SEL1L3: variants seen among roughly 807,000 people sequenced by gnomAD.
The protein encoded by SEL1L3 is protein sel-1 homolog 3.
SEL1L3 carries 76 observed loss-of-function variants against 142.8 expected under a neutral mutation model. The observed-to-expected ratio is 0.53, with a 90% CI of 0.44 to 0.64. SEL1L3 has a LOEUF of 0.64. SEL1L3 is among the 30% of genes least tolerant of loss of function. The probability of loss-of-function intolerance (pLI) is 0.00; values close to 1 mark genes in which losing one functional copy is unlikely to be tolerated. For missense variants in SEL1L3, 1,262 were observed against 1,381.7 expected (o/e 0.91, Z 1.37); for synonymous variants, 504 against 519.6 (o/e 0.97, Z 0.41).
At chr4:25,853,664 C>CTTTTTTTTTTTT (rs34922528) in intron 1 of SEL1L3, among the ~76,000 whole-genome samples, 2 of 83,050 alleles carry the variant, frequency 2.4e-5, no homozygotes, top group African/African-American at 1.1e-4. Context: ...CTCTTCTTAC[C>CTTTTTTTTTTTT]TTTTTTTTTT....
intron 15 of SEL1L3, among the ~76,000 whole-genome samples, chr4:25,779,758 G>A (rs182206344): frequency 1.7e-4 from 26 of 152,312 alleles, no homozygotes; most frequent in Admixed American, 1.7e-3. Context: ...ATGTAGATGG[G>A]TATATTTCCA....
chr4:25,754,376 T>G, intron 23 of SEL1L3, among the ~76,000 whole-genome samples: 1 of 149,932 alleles, frequency 6.7e-6, no homozygotes, highest in Middle Eastern at 3.4e-3. Context: ...TGACACAGGG[T>G]CTCACTCTGT....
chr4:25,855,283 C>T lies in SEL1L3; in HGVS notation c.162+7392G>A, dbSNP rs751180566. ...AAGAGTTCCAGCTACAGGCATGACA[C>T]GTGTCCAGCCTTCATAGGTATTTTC... On this transcript the variant is annotated intron_variant, in intron 1 of 23. Transcript: ENST00000399878. 2.6e-5 allele frequency among the ~76,000 whole-genome samples: 4 copies of T among 152,246 alleles called. No homozygotes were observed. The East Asian group carries it at 7.7e-4, about 29-fold the overall frequency.
chr4:25,794,398 T>G lies in SEL1L3; in HGVS notation c.1957-3824A>C, dbSNP rs1244270892. ...ACAGACACTTCTCAAAAGAAGACAT[T>G]TATGCAGGCAACAAATGTAGGGGAA... On this transcript the variant is annotated intron_variant, in intron 11 of 23. Transcript: ENST00000399878. Among the ~76,000 whole-genome samples, 3 of 152,268 alleles carry G rather than the reference T, an allele frequency of 2.0e-5. No homozygotes were observed. The East Asian group carries it at 5.8e-4, about 29-fold the overall frequency.
chr4:25,799,092 T>G (rs1712996934), intron 11 of SEL1L3, among the ~76,000 whole-genome samples: 1 of 151,892 alleles, frequency 6.6e-6, no homozygotes. Context: ...TGTTGTTGTT[T>G]GAGACAGAGT....
At chr4:25,806,628 C>T (rs1184913278) in intron 9 of SEL1L3, among the ~76,000 whole-genome samples, 2 of 152,008 alleles carry the variant, frequency 1.3e-5, no homozygotes, top group East Asian at 3.9e-4. Context: ...GCTGGCAGAC[C>T]CTGAGCTGTG....
chr4:25,733,899 TAGGG>T, the SEL1L3 span, among the ~76,000 whole-genome samples: 1 of 152,190 alleles, frequency 6.6e-6, no homozygotes, highest in African/African-American at 2.4e-5. Flanking sequence ...TTCCAAATCT[TAGGG>T]AGGAAGTGTT....
At chr4:25,741,720 G>A in the SEL1L3 span, among the ~76,000 whole-genome samples, 2 of 152,002 alleles carry the variant, frequency 1.3e-5, no homozygotes, top group African/African-American at 4.8e-5. Flanking sequence ...TATTTTTGAA[G>A]AAGAGAAATC....
intron 1 of SEL1L3, among the ~76,000 whole-genome samples, chr4:25,861,110 A>G (rs759030249): frequency 1.3e-5 from 2 of 152,260 alleles, no homozygotes; most frequent in Non-Finnish European, 2.9e-5. Flanking sequence ...TGAATGTTTC[A>G]CGCAACACTC....
intron 17 of SEL1L3, among the ~76,000 whole-genome samples, chr4:25,775,403 T>C (rs1560290356): frequency 6.6e-6 from 1 of 152,232 alleles, no homozygotes; most frequent in Non-Finnish European, 1.5e-5. Context: ...TCTTTTGAAC[T>C]TACACTTTAA....
At chr4:25,749,877 T>A (rs1316309857) in intron 23 of SEL1L3, among the ~76,000 whole-genome samples, 1 of 152,186 alleles carries the variant, frequency 6.6e-6, no homozygotes, top group Non-Finnish European at 1.5e-5. Context: ...AAGAGTAATA[T>A]TTCGCGACAT....
chr4:25,808,628 A>T (rs76946447), intron 9 of SEL1L3, among the ~76,000 whole-genome samples: 1 of 152,178 alleles, frequency 6.6e-6, no homozygotes, highest in Non-Finnish European at 1.5e-5. Flanking sequence ...GGGGAAAAAA[A>T]GGAAAGGAGA....
At chr4:25,786,882 G>C (rs1252837149) in intron 13 of SEL1L3, among the ~76,000 whole-genome samples, 1 of 152,238 alleles carries the variant, frequency 6.6e-6, no homozygotes, top group Admixed American at 6.5e-5. Flanking sequence ...GATAGGGTAG[G>C]GAGGGTTAGA....
chr4:25,854,876 G>A (rs948780007), intron 1 of SEL1L3, among the ~76,000 whole-genome samples: 4 of 152,256 alleles, frequency 2.6e-5, no homozygotes, highest in Non-Finnish European at 5.9e-5. Flanking sequence ...ACAAGTAGGA[G>A]AAGCTTGAAT....
In SEL1L3 at chr4:25,767,617, G is replaced by A. The variant is rs1231644028; in HGVS notation, c.2761-8C>T. ...GTATCTCCTGGCCAGGTCCTAAGGG[G>A]TAAAGGGAAGAAAAAGTTAATTCAT... On this transcript the variant is annotated splice_region_variant and splice_polypyrimidine_tract_variant and intron_variant, in intron 18 of 23. Coordinates refer to ENST00000399878, the MANE Select transcript of SEL1L3 (RefSeq NM_015187.5). The A allele has an allele frequency of 5.7e-6, 9 of 1,574,382 alleles. No individual in the cohort carries two copies. Among genetic ancestry groups the A allele is most frequent in the Non-Finnish European group, 7.8e-6 (9 of 1,151,030 alleles).
At chr4:25,817,782 A>T (rs1218776024) in intron 9 of SEL1L3, among the ~76,000 whole-genome samples, 1 of 152,110 alleles carries the variant, frequency 6.6e-6, no homozygotes, top group Non-Finnish European at 1.5e-5. Flanking sequence ...TTGCATTTTC[A>T]TACAAGCTTT....
At chr4:25,725,391 C>G in the SEL1L3 span, among the ~76,000 whole-genome samples, 3 of 151,320 alleles carry the variant, frequency 2.0e-5, no homozygotes, top group Non-Finnish European at 4.4e-5. Context: ...TCTCGGCTCA[C>G]TGCAGTCTCG....
At chr4:25,794,591 T>A (rs114481322) in intron 11 of SEL1L3, among the ~76,000 whole-genome samples, 1 of 152,176 alleles carries the variant, frequency 6.6e-6, no homozygotes, top group Non-Finnish European at 1.5e-5. Flanking sequence ...TGTGGAGAGA[T>A]AGGAATACTT....
the SEL1L3 span, among the ~76,000 whole-genome samples, chr4:25,714,498 C>CTT: frequency 4.1e-5 from 2 of 48,678 alleles, no homozygotes; most frequent in African/African-American, 3.3e-4. Flanking sequence ...CTCTTTCTTT[C>CTT]TTTTTCTTTC....
Sources: allele counts gnomAD v4.1 joint callset (sites outside exome capture counted in the v4.1 genomes callset), GRCh38; gene constraint gnomAD v4.1.1; transcripts MANE v1.5; gene names NCBI Gene and HGNC (gene_info 2026-07-23, HGNC 2026-07-21).